The following KLHL25 variants were observed in gnomAD, a reference collection of about 807,000 sequenced individuals.
KLHL25 encodes the protein kelch like family member 25.
In KLHL25, 41 loss-of-function variants were observed where a neutral mutation model predicts 30.0. The ratio of observed to expected loss-of-function variants is 1.37; its 90% CI spans 1.07 to 1.78. The LOEUF is 1.78. KLHL25 is among the 40% of genes most tolerant of loss of function. The probability of loss-of-function intolerance (pLI) is 0.00; values close to 1 mark genes in which losing one functional copy is unlikely to be tolerated. For missense variants in KLHL25, 971 were observed against 824.5 expected, an observed-to-expected ratio of 1.18 and a Z score of -2.18; for synonymous variants, 399 against 355.3, an observed-to-expected ratio of 1.12 and a Z score of -1.38.
At chr15:85,762,445 GGCTGGGTCCCTTTGTTCCCTC>G (rs1240487064) in intron 2 of KLHL25, 1 of 7,222 alleles carries the variant, frequency 1.4e-4, no homozygotes, top group Non-Finnish European at 6.3e-4. Context: ...TTCCCTCTCA[GGCTGGGTCCCTTTGTTCCCTC>G]TCAGGCTGGG....
At chr15:85,775,281 C>A (rs528422252) in intron 1 of KLHL25, among the ~76,000 whole-genome samples, 47 of 152,298 alleles carry the variant, frequency 3.1e-4, no homozygotes, top group African/African-American at 1.1e-3. Context: ...GGCTTTTGGG[C>A]TTTTTGACAG....
intron 1 of KLHL25, among the ~76,000 whole-genome samples, chr15:85,782,811 C>T (rs1029583103): frequency 1.3e-5 from 2 of 152,146 alleles, no homozygotes; most frequent in African/African-American, 2.4e-5. Context: ...GCACGGTAGC[C>T]TTTCTTCTAC....
At position 85,769,331 on chromosome 15, in the gene KLHL25, C is replaced by G; in HGVS notation, c.480G>C (p.Gln160His). ...AGGAGAACTCATACAGCCGGCGGCA[C>G]TGGTGGGCGTCCGAGAGCAGCATCA... ...LGMMLLSDAH[Q>H]CRRLYEFSWR... The change falls in exon 2 of 3, where the codon CAG becomes CAC. Residue 160 changes from glutamine (Q) to histidine (H), a missense_variant. Physicochemically the swap from Gln to His is conservative, Grantham distance 24. Transcript: ENST00000337975. 1.2e-6 allele frequency: 2 copies of G among 1,614,090 alleles called. No homozygotes were observed. The highest frequency in any genetic ancestry group is 1.7e-6 in the Non-Finnish European group (2 of 1,180,024).
intron 1 of KLHL25, among the ~76,000 whole-genome samples, chr15:85,774,688 G>A (rs1478118811): frequency 1.3e-5 from 2 of 151,974 alleles, no homozygotes; most frequent in African/African-American, 2.4e-5. Flanking sequence ...GGCTCAAAAC[G>A]AGGGTGTCAG....
chr15:85,782,692 C>A (rs1452255026), intron 1 of KLHL25, among the ~76,000 whole-genome samples: 2 of 152,176 alleles, frequency 1.3e-5, no homozygotes, highest in African/African-American at 4.8e-5. Context: ...TGAGCACCTA[C>A]AATGTGGTGC....
At chr15:85,779,429 T>A (rs751552135) in intron 1 of KLHL25, among the ~76,000 whole-genome samples, 1 of 152,178 alleles carries the variant, frequency 6.6e-6, no homozygotes, top group Non-Finnish European at 1.5e-5. Context: ...CTTCATCGTA[T>A]GTATAAGGCA....
In KLHL25 at chr15:85,768,018, T is replaced by G; in HGVS notation, c.*23A>C. The G allele has an allele frequency of 6.3e-7, 1 of 1,594,176 alleles. No individual in the cohort carries two copies. The highest frequency in any genetic ancestry group is 8.6e-7 in the Non-Finnish European group (1 of 1,166,624). On this transcript the variant is annotated splice_region_variant and 3_prime_UTR_variant, in exon 2 of 3. Coordinates refer to ENST00000337975, the MANE Select transcript of KLHL25 (RefSeq NM_022480.4). ...GGCCGTGGGCTGCCAGGGACTCACC[T>G]GGCTGGGCTCAGCAGGTGCTCCTCA...
intron 1 of KLHL25, among the ~76,000 whole-genome samples, chr15:85,790,903 TAAAA>T (rs34101416): frequency 7.2e-6 from 1 of 139,444 alleles, no homozygotes; most frequent in Non-Finnish European, 1.6e-5. Flanking sequence ...AGCTGCCATT[TAAAA>T]AAAAAAAAAA....
chr15:85,765,635 AG>A (rs146102997), intron 2 of KLHL25, among the ~76,000 whole-genome samples: 10,954 of 62,302 alleles, frequency 0.18, 826 homozygotes, highest in East Asian at 0.52. Context: ...AAAAAAAAAA[AG>A]AAGAAGAAGA....
In KLHL25 at chr15:85,768,945, C is replaced by CG; in HGVS notation, c.865dup (p.Arg289ProfsTer20). 4 of 1,613,300 alleles carry CG rather than the reference C, an allele frequency of 2.5e-6. No homozygotes were observed. The highest frequency in any genetic ancestry group is 3.4e-6 in the Non-Finnish European group (4 of 1,180,046). ...TAGCGTGTGGCCCGCCTTGCGTGGC[C>CG]GGGCACAGGGGCTGGTGACCACGCC... On this transcript the variant is annotated frameshift_variant, in exon 2 of 3. Transcript: ENST00000337975. LOFTEE classifies it high-confidence loss of function.
At chr15:85,779,669 C>T (rs929132870) in intron 1 of KLHL25, among the ~76,000 whole-genome samples, 1 of 152,210 alleles carries the variant, frequency 6.6e-6, no homozygotes, top group East Asian at 1.9e-4. Context: ...CAACTTTTCA[C>T]AGAGTTGCCA....
chr15:85,767,977 T>G, intron 2 of KLHL25, 40 bp downstream of exon 2: 2 of 1,372,768 alleles, frequency 1.5e-6, no homozygotes, highest in Non-Finnish European at 2.0e-6. Flanking sequence ...CCCCATGACC[T>G]TTCCGGACCC....
intron 1 of KLHL25, chr15:85,770,966 G>A (rs535218947): frequency 1.8e-5 from 4 of 220,932 alleles, no homozygotes; most frequent in Admixed American, 5.3e-5. Context: ...GCCAACAGGC[G>A]GCAAAACTCA....
intron 1 of KLHL25, among the ~76,000 whole-genome samples, chr15:85,783,690 T>G (rs1241881656): frequency 2.6e-5 from 1 of 38,108 alleles, no homozygotes; most frequent in African/African-American, 1.1e-4. Context: ...AGACTCCACC[T>G]CAATAAAAAA....
chr15:85,785,400 G>A (rs976366448), intron 1 of KLHL25, among the ~76,000 whole-genome samples: 1 of 152,112 alleles, frequency 6.6e-6, no homozygotes, highest in Non-Finnish European at 1.5e-5. Context: ...GCCAACTGAT[G>A]TATTCCTATA....
chr15:85,780,530 C>A (rs904976300), intron 1 of KLHL25, among the ~76,000 whole-genome samples: 3 of 152,200 alleles, frequency 2.0e-5, no homozygotes, highest in African/African-American at 7.2e-5. Flanking sequence ...GCCTAGATAT[C>A]ACTTTCAATG....
At chr15:85,761,535 A>T (rs1329139822) in intron 2 of KLHL25, 2 of 62,352 alleles carry the variant, frequency 3.2e-5, no homozygotes, top group African/African-American at 6.3e-5. Flanking sequence ...CCACCACCCC[A>T]CCCCCACCCC....
At position 85,760,512 on chromosome 15, in the gene KLHL25, A is replaced by T. The variant is rs973661625; in HGVS notation, c.*524T>A. The T allele has an allele frequency of 6.6e-6, 1 of 152,146 alleles. No homozygotes were observed. The highest frequency in any genetic ancestry group is 2.1e-4 in the South Asian group (1 of 4,832). The allele number at this position is 152,146 out of a possible 1,614,324, so 9.4% of individuals were successfully genotyped here. A position where few individuals can be genotyped will look rare whatever the true frequency, so the allele number is the denominator to read the frequency against. On this transcript the variant is annotated 3_prime_UTR_variant, in exon 3 of 3. Transcript: ENST00000337975. ...CCCCTGCAGTTTCTGCACCTTAAAA[A>T]ATCTGTCTTGGTCACCTTTCTGGTC... is the stretch of plus-strand genomic sequence containing the variant.
intron 1 of KLHL25, among the ~76,000 whole-genome samples, chr15:85,779,647 C>G (rs1224118574): frequency 1.3e-5 from 2 of 152,216 alleles, no homozygotes; most frequent in African/African-American, 4.8e-5. Context: ...CTATTTTACA[C>G]TGGTTTTACC....
Sources: allele counts gnomAD v4.1 joint callset (sites outside exome capture counted in the v4.1 genomes callset), GRCh38; gene constraint gnomAD v4.1.1; transcripts MANE v1.5; gene names NCBI Gene and HGNC (gene_info 2026-07-23, HGNC 2026-07-21).